Variants in LINGO1 observed in about 807,000 individuals in gnomAD.
LINGO1 encodes leucine-rich repeat and immunoglobulin-like domain-containing nogo receptor-interacting protein 1.
Under a neutral mutation model 37.3 loss-of-function variants are expected in LINGO1, and 11 were observed. The observed-to-expected ratio is 0.29, with a 90% CI of 0.19 to 0.49. The LOEUF is 0.49. LINGO1 is among the 20% of genes least tolerant of loss of function. The pLI is 0.99. For missense variants in LINGO1, 585 were observed against 878.2 expected (o/e 0.67, Z 4.22); for synonymous variants, 387 against 403.0 (o/e 0.96, Z 0.48).
intron 3 of LINGO1, among the ~76,000 whole-genome samples, chr15:77,655,837 ACCTTCTCGCCCT>A (rs1352490273): frequency 6.6e-6 from 1 of 151,918 alleles, no homozygotes; most frequent in East Asian, 1.9e-4. Context: ...CCAGCTCCCC[ACCTTCTCGCCCT>A]CCTCCCAGCC....
intron 2 of LINGO1, among the ~76,000 whole-genome samples, chr15:77,706,141 C>T (rs1202343553): frequency 6.6e-6 from 1 of 152,178 alleles, no homozygotes; most frequent in Non-Finnish European, 1.5e-5. Context: ...CCCATAAACA[C>T]CTCATCGTTC....
chr15:77,819,619 C>T (rs2141494662), intron 1 of LINGO1: 4 of 151,786 alleles, frequency 2.6e-5, no homozygotes, highest in Admixed American at 2.6e-4. Flanking sequence ...GCTCCGCACT[C>T]CCGACTCGCC....
chr15:77,779,297 AC>A (rs2076692169), intron 1 of LINGO1, among the ~76,000 whole-genome samples: 1 of 152,084 alleles, frequency 6.6e-6, no homozygotes, highest in South Asian at 2.1e-4. Context: ...CCTTTCTGGC[AC>A]CAGGGACCAG....
chr15:77,766,805 C>T (rs182609069), intron 1 of LINGO1, among the ~76,000 whole-genome samples: 1 of 152,186 alleles, frequency 6.6e-6, no homozygotes, highest in African/African-American at 2.4e-5. Flanking sequence ...TTCTTCATAG[C>T]AGTGTGAGAA....
chr15:77,677,320 T>C (rs2075344657), intron 2 of LINGO1: 1 of 152,602 alleles, frequency 6.6e-6, no homozygotes, highest in South Asian at 2.1e-4. Context: ...GCACAGCACA[T>C]GCTCCTCAGT....
chr15:77,802,144 G>A (rs189304795), intron 1 of LINGO1, among the ~76,000 whole-genome samples: 6 of 152,244 alleles, frequency 3.9e-5, no homozygotes, highest in African/African-American at 1.2e-4. Flanking sequence ...CATGGGGTGC[G>A]TGGAGGTGAC....
intron 1 of LINGO1, among the ~76,000 whole-genome samples, chr15:77,625,393 A>G (rs1804488965): frequency 6.6e-6 from 1 of 152,206 alleles, no homozygotes; most frequent in Non-Finnish European, 1.5e-5. Context: ...TGCTGCCACT[A>G]TCCCCATTTT....
At chr15:77,630,325 C>T (rs1272469622) in intron 1 of LINGO1, among the ~76,000 whole-genome samples, 3 of 152,168 alleles carry the variant, frequency 2.0e-5, no homozygotes, top group Admixed American at 6.5e-5. Flanking sequence ...CAGATATCTG[C>T]GGCTGAAGGC....
chr15:77,801,363 TAAC>T (rs946136701), intron 1 of LINGO1, among the ~76,000 whole-genome samples: 2 of 152,194 alleles, frequency 1.3e-5, no homozygotes, highest in African/African-American at 4.8e-5. Context: ...CGTCTATGTA[TAAC>T]AATAGAGAAA....
At chr15:77,777,984 T>G (rs1398726287) in intron 1 of LINGO1, among the ~76,000 whole-genome samples, 15 of 129,442 alleles carry the variant, frequency 1.2e-4, no homozygotes, top group Admixed American at 4.4e-4. Context: ...AGTAAGGGAG[T>G]GAGGGAGGGG....
rs530938093 is a variant in LINGO1 at position 77,798,285 on chromosome 15, C to A, written c.-457-2232G>T. Reference sequence around the variant, plus strand: ...CTGTCAGCGGCCTCCCAAGCTGGATCCCGATAGACTGGCACAAGCCAGTCA... The same window carrying A: ...CTGTCAGCGGCCTCCCAAGCTGGATACCGATAGACTGGCACAAGCCAGTCA... On this transcript the variant is annotated intron_variant, in intron 1 of 5. Transcript: ENST00000562933. Among the ~76,000 whole-genome samples, 11 of 152,334 alleles carry A rather than the reference C, an allele frequency of 7.2e-5. No homozygotes were observed. The East Asian group carries it at 1.7e-3, about 24-fold the overall frequency.
At chr15:77,766,775 A>G (rs1257120292) in intron 1 of LINGO1, among the ~76,000 whole-genome samples, 1 of 152,202 alleles carries the variant, frequency 6.6e-6, no homozygotes, top group Non-Finnish European at 1.5e-5. Flanking sequence ...TTCCTTTACA[A>G]ATTACCCAGT....
At chr15:77,744,485 G>A (rs182034119) in intron 1 of LINGO1, among the ~76,000 whole-genome samples, 214 of 152,288 alleles carry the variant, frequency 1.4e-3, no homozygotes, top group African/African-American at 5.1e-3. Context: ...ACTGCGCCGA[G>A]ATGGCACTAC....
chr15:77,766,701 C>T (rs943381041), intron 1 of LINGO1, among the ~76,000 whole-genome samples: 7 of 152,122 alleles, frequency 4.6e-5, no homozygotes, highest in Middle Eastern at 3.2e-3. Context: ...GGTTGACTTC[C>T]GCCATGATTG....
chr15:77,794,543 C>T (rs182647019), intron 2 of LINGO1, among the ~76,000 whole-genome samples: 43 of 123,366 alleles, frequency 3.5e-4, no homozygotes, highest in African/African-American at 1.2e-3. Flanking sequence ...TACATATATA[C>T]GTATATATGT....
At chr15:77,699,622 A>C (rs2075748378), upstream of LINGO1, among the ~76,000 whole-genome samples, 2 of 151,662 alleles carry the variant, frequency 1.3e-5, no homozygotes, top group South Asian at 2.1e-4. Flanking sequence ...CATCATCTGC[A>C]CAAACTAAAC....
At chr15:77,797,824 C>T (rs1295670707) in intron 1 of LINGO1, among the ~76,000 whole-genome samples, 2 of 152,204 alleles carry the variant, frequency 1.3e-5, no homozygotes, top group African/African-American at 4.8e-5. Flanking sequence ...GATGGAAAAG[C>T]CCTCAGGGTC....
chr15:77,730,680 G>C (rs770067445), intron 2 of LINGO1, among the ~76,000 whole-genome samples: 16 of 152,374 alleles, frequency 1.1e-4, no homozygotes, highest in Middle Eastern at 3.4e-3. Context: ...AGACGCTCTG[G>C]AGCAGCAAGG....
intron 1 of LINGO1, among the ~76,000 whole-genome samples, chr15:77,818,934 C>T (rs1011435079): frequency 1.3e-5 from 2 of 151,660 alleles, no homozygotes; most frequent in Admixed American, 6.6e-5. Context: ...AAAGGAAGGC[C>T]GGAGTTGCAC....
Sources: gnomAD v4.1 joint callset for allele counts (sites outside exome capture counted in the v4.1 genomes callset) on GRCh38, gnomAD v4.1.1 for gene constraint, MANE v1.5 for transcripts, NCBI Gene and HGNC (gene_info 2026-07-23, HGNC 2026-07-21) for gene names.